Variants in EDRF1 observed in about 807,000 individuals in gnomAD.
The protein encoded by EDRF1 is erythroid differentiation-related factor 1.
A neutral mutation model predicts 148.7 loss-of-function variants in EDRF1; 69 were observed. The ratio of observed to expected loss-of-function variants is 0.46; its 90% confidence interval spans 0.38 to 0.57. EDRF1 has a LOEUF of 0.57. Among genes scored for constraint, EDRF1 ranks in the 20% least tolerant of loss-of-function variants. The pLI, the probability that EDRF1 is intolerant of heterozygous loss-of-function variation, is 0.00. For missense variants in EDRF1, 1,118 were observed against 1,478.7 expected, an observed-to-expected ratio of 0.76 and a Z score of 4.00; for synonymous variants, 515 against 532.8, an observed-to-expected ratio of 0.97 and a Z score of 0.46.
chr10:125,725,244 C>T (rs1848200381), intron 4 of EDRF1, 74 bp from the exon 5 acceptor site: 2 of 1,571,758 alleles, frequency 1.3e-6, no homozygotes, highest in East Asian at 2.3e-5. Context: ...GGAGCCTTTT[C>T]TGTAAGCTAG....
Position 125,747,881 on chromosome 10 carries a change from G to T in EDRF1, c.2992G>T (p.Glu998Ter). 6.2e-7 allele frequency: 1 copy of T among 1,614,142 alleles called. No homozygotes were observed. The highest frequency in any genetic ancestry group is 2.2e-5 in the East Asian group (1 of 44,872). Residue 998 changes from glutamate to a stop codon, truncating the protein, a stop_gained, in exon 21 of 25, where the codon GAG (glutamate) becomes TAG (stop). Coordinates refer to ENST00000356792, the MANE Select transcript of EDRF1 (RefSeq NM_001202438.2). LOFTEE classifies it high-confidence loss of function. ...AQEQIEKEVSEAMMKSLKYCD... is the reference protein window; with the variant it reads ...AQEQIEKEVS ...AGAACAGATTGAGAAAGAAGTCAGT[G>T]AGGCCATGATGAAGTCCCTAAAATA...
intron 15 of EDRF1, 112 bp from the exon 16 acceptor site, chr10:125,740,351 T>A: frequency 9.2e-7 from 1 of 1,090,180 alleles, no homozygotes; most frequent in South Asian, 1.3e-5. Context: ...TATTTACCAG[T>A]CTTGTCACCT....
intron 7 of EDRF1, 117 bp downstream of exon 7, chr10:125,729,221 C>G (rs1848393052): frequency 6.9e-7 from 1 of 1,451,022 alleles, no homozygotes; most frequent in Non-Finnish European, 9.4e-7. Context: ...AAACTGCTTT[C>G]TAAGCATCTT....
chr10:125,720,716 C>A (rs1847945558), intron 1 of EDRF1, among the ~76,000 whole-genome samples: 1 of 150,612 alleles, frequency 6.6e-6, no homozygotes, highest in Non-Finnish European at 1.5e-5. Context: ...GAGGCTGAGG[C>A]AGGAGAATGG....
At chr10:125,733,593 G>A in intron 10 of EDRF1, 42 bp downstream of exon 10, 1 of 1,609,500 alleles carries the variant, frequency 6.2e-7, no homozygotes, top group Non-Finnish European at 8.5e-7. Context: ...AATTGATTTG[G>A]GTAACTGCTG....
chr10:125,729,958 A>C (rs550683302), intron 8 of EDRF1, among the ~76,000 whole-genome samples: 3 of 152,348 alleles, frequency 2.0e-5, no homozygotes, highest in African/African-American at 7.2e-5. Context: ...ATTCCAACTT[A>C]AGCATGGTCT....
At chr10:125,753,572 TG>T in intron 23 of EDRF1, 121 bp from the exon 24 acceptor site, 1 of 1,096,358 alleles carries the variant, frequency 9.1e-7, no homozygotes, top group Admixed American at 1.8e-5. Flanking sequence ...GCTTTTTGTT[TG>T]TTTGTCTTGT....
At position 125,747,849 on chromosome 10, in the gene EDRF1, C is replaced by T; in HGVS notation, c.2974-14C>T. On this transcript the variant is annotated splice_polypyrimidine_tract_variant and intron_variant, in intron 20 of 24. Transcript: ENST00000356792. ...AGAAGCTTATTTTTTTCTTCCCCCT[C>T]AAAACAAGAACAGATTGAGAAAGAA... The T allele has an allele frequency of 2.5e-6, 4 of 1,614,090 alleles. No homozygotes were observed. Among genetic ancestry groups the T allele is most frequent in the Non-Finnish European group, 3.4e-6 (4 of 1,179,970 alleles).
intron 17 of EDRF1, 198 bp from the exon 18 acceptor site, chr10:125,742,860 A>G: frequency 1.1e-6 from 1 of 873,736 alleles, no homozygotes; most frequent in Non-Finnish European, 1.4e-6. Flanking sequence ...TCCAACATTA[A>G]TATCCCAAGA....
Position 125,733,759 on chromosome 10 carries a change from A to C in EDRF1, c.1385+16A>C. ...TCTTGTACAAGTGAGTGCTTTAAGA[A>C]TTTAAGATGAAGAAGTAGCCTATTA... On this transcript the variant is annotated intron_variant, in intron 11 of 24. Transcript: ENST00000356792. 5.6e-6 allele frequency: 9 copies of C among 1,593,280 alleles called. No individual in the cohort carries two copies. The highest frequency in any genetic ancestry group is 7.7e-6 in the Non-Finnish European group (9 of 1,161,378).
chr10:125,749,698 T>G lies in EDRF1; in HGVS notation c.3277+133T>G, dbSNP rs1172015746. 2.9e-6 allele frequency: 3 copies of G among 1,040,346 alleles called. No individual in the cohort carries two copies. In the East Asian group the frequency reaches 7.7e-5, roughly 27 times the overall value. 64.4% of individuals were successfully genotyped at this position (1,040,346 alleles called of 1,614,324 possible). ...TTGCCCCATAGTTAATGACTTCGGG[T>G]AGAGAGGGTGAGAAATCACTACATG... is the stretch of plus-strand genomic sequence containing the variant. On this transcript the variant is annotated intron_variant, in intron 22 of 24. Coordinates refer to ENST00000356792, the MANE Select transcript of EDRF1 (RefSeq NM_001202438.2).
At chr10:125,758,806 G>C (rs1850049583) in intron 24 of EDRF1, among the ~76,000 whole-genome samples, 1 of 152,146 alleles carries the variant, frequency 6.6e-6, no homozygotes, top group African/African-American at 2.4e-5. Context: ...CAGGGAGTTA[G>C]CAAGGACTCC....
At chr10:125,751,864 C>T (rs1319084012) in intron 22 of EDRF1, 1 of 152,348 alleles carries the variant, frequency 6.6e-6, no homozygotes, top group Non-Finnish European at 1.5e-5. Flanking sequence ...GAGTTCTAAG[C>T]GCGGAGCTCC....
intron 24 of EDRF1, chr10:125,756,707 A>C: frequency 5.7e-6 from 2 of 348,228 alleles, no homozygotes; most frequent in Non-Finnish European, 1.1e-5. Flanking sequence ...TAGCTACTCA[A>C]CGTTCTTTTG....
At chr10:125,726,674 G>C (rs940333674) in intron 6 of EDRF1, among the ~76,000 whole-genome samples, 4 of 152,118 alleles carry the variant, frequency 2.6e-5, no homozygotes, top group African/African-American at 7.2e-5. Context: ...CATTTAACTC[G>C]ATTTTAGTTT....
rs1206612378 is a variant in EDRF1 at position 125,734,118 on chromosome 10, T to C, written c.1432T>C (p.Tyr478His). The change falls in exon 12 of 25, where the codon TAT (tyrosine) becomes CAT (histidine). Residue 478 changes from tyrosine to histidine, a missense_variant. Tyr to His is a moderately conservative substitution (Grantham distance 83). Around this residue, in one of 3 missense-constraint regions of EDRF1, gnomAD observed 954 missense variants for 1,241.4 expected, o/e 0.77. Coordinates refer to ENST00000356792, the MANE Select transcript of EDRF1 (RefSeq NM_001202438.2). The part of the protein sequence containing the change: ...MMKKNQNKKH[Y>H]GTIRTLLLNC... Reference sequence around the variant, plus strand: ...GAAGAAGAATCAAAATAAGAAACACTATGGAACTATTAGAACATTGCTTCT... The same window carrying C: ...GAAGAAGAATCAAAATAAGAAACACCATGGAACTATTAGAACATTGCTTCT... 6.2e-7 allele frequency: 1 copy of C among 1,613,338 alleles called. No individual in the cohort carries two copies. Among genetic ancestry groups the C allele is most frequent in the South Asian group, 1.1e-5 (1 of 91,068 alleles).
At chr10:125,756,302 CTG>C (rs1348612924) in intron 24 of EDRF1, among the ~76,000 whole-genome samples, 4 of 152,176 alleles carry the variant, frequency 2.6e-5, no homozygotes, top group African/African-American at 7.2e-5. Context: ...GAGACCATAA[CTG>C]TGTTTGTTCT....
intron 17 of EDRF1, chr10:125,742,261 G>C (rs373943929): frequency 7.8e-7 from 1 of 1,289,314 alleles, no homozygotes. Flanking sequence ...CCGCAGCAGC[G>C]ATATCCCTCC....
At chr10:125,733,858 G>C (rs1297413918) in intron 11 of EDRF1, 115 bp downstream of exon 11, 1 of 1,033,706 alleles carries the variant, frequency 9.7e-7, no homozygotes, top group Non-Finnish European at 1.5e-6. Context: ...TCATAGTAGG[G>C]GGAAAAATAC....
Sources: gnomAD v4.1 joint callset for allele counts (sites outside exome capture counted in the v4.1 genomes callset) on GRCh38, gnomAD v4.1.1 for gene constraint, gnomAD v4.1.1 regional missense constraint, MANE v1.5 for transcripts, NCBI Gene and HGNC (gene_info 2026-07-23, HGNC 2026-07-21) for gene names.